The following STPG2 variants were observed in gnomAD, a reference collection of about 807,000 sequenced individuals.
STPG2 encodes sperm-tail PG-rich repeat-containing protein 2.
STPG2 carries 56 observed loss-of-function variants against 54.2 expected under a neutral mutation model. That is an observed-to-expected ratio of 1.03 (90% CI 0.83 to 1.29). The LOEUF (loss-of-function observed/expected upper bound fraction) is 1.29. Among genes scored for constraint, STPG2 ranks in the 50% most tolerant of loss-of-function variants. STPG2 has a pLI of 0.00. For synonymous variants in STPG2, 200 were observed against 181.8 expected (o/e 1.10, Z -0.81); for missense variants, 596 against 544.9 (o/e 1.09, Z -0.93).
chr4:98,093,893 G>C (rs550076211), intron 5 of STPG2, among the ~76,000 whole-genome samples: 1 of 152,360 alleles, frequency 6.6e-6, no homozygotes, highest in South Asian at 2.1e-4. Context: ...ACCCATCCCA[G>C]TGGTTGGAAC....
At chr4:97,915,270 T>C (rs1270586435) in intron 8 of STPG2, among the ~76,000 whole-genome samples, 1 of 152,170 alleles carries the variant, frequency 6.6e-6, no homozygotes, top group East Asian at 1.9e-4. Flanking sequence ...GAAAAGGAAG[T>C]AGACGTAACC....
chr4:97,517,144 G>T (rs553724253), intron 4 of STPG2, among the ~76,000 whole-genome samples: 2 of 151,986 alleles, frequency 1.3e-5, no homozygotes, highest in African/African-American at 4.8e-5. Context: ...CTGACCTCAA[G>T]TGATTCGCCC....
At chr4:97,814,653 G>A (rs1391396799) in intron 9 of STPG2, among the ~76,000 whole-genome samples, 1 of 152,144 alleles carries the variant, frequency 6.6e-6, no homozygotes, top group African/African-American at 2.4e-5. Context: ...ATTTGAGTCA[G>A]TGGGCTGGGA....
chr4:97,535,594 C>T (rs575489114), intron 4 of STPG2, among the ~76,000 whole-genome samples: 2 of 152,110 alleles, frequency 1.3e-5, no homozygotes, highest in South Asian at 2.1e-4. Context: ...TGTATTGTCT[C>T]TGTTCAGAAG....
intron 4 of STPG2, among the ~76,000 whole-genome samples, chr4:97,517,343 C>CA (rs1196970210): frequency 2.0e-5 from 3 of 151,938 alleles, no homozygotes; most frequent in Non-Finnish European, 2.9e-5. Context: ...GACCCTGTAT[C>CA]AAAAAAATTA....
chr4:97,654,006 C>T (rs1508471), intron 10 of STPG2, among the ~76,000 whole-genome samples: 20,783 of 152,192 alleles, frequency 0.14, 4,134 homozygotes, highest in African/African-American at 0.44. Context: ...TTATCACCAA[C>T]TCCTGCCTGC....
At chr4:97,567,070 G>A (rs1732472148) in intron 10 of STPG2, among the ~76,000 whole-genome samples, 1 of 151,044 alleles carries the variant, frequency 6.6e-6, no homozygotes, top group Non-Finnish European at 1.5e-5. Context: ...GAAAGAAATG[G>A]CCCCTAAAAT....
intron 8 of STPG2, among the ~76,000 whole-genome samples, chr4:97,847,427 T>C (rs1266581607): frequency 6.6e-6 from 1 of 152,148 alleles, no homozygotes; most frequent in African/African-American, 2.4e-5. Context: ...AAGTAGTATG[T>C]AAAAATGGAA....
At chr4:97,914,512 A>T (rs1245499160) in intron 8 of STPG2, among the ~76,000 whole-genome samples, 2 of 152,108 alleles carry the variant, frequency 1.3e-5, no homozygotes, top group Non-Finnish European at 2.9e-5. Flanking sequence ...CCATTGTTGC[A>T]TAACCATAAC....
At chr4:97,525,536 C>A (rs551722999) in intron 4 of STPG2, among the ~76,000 whole-genome samples, 70 of 151,558 alleles carry the variant, frequency 4.6e-4, no homozygotes, top group Non-Finnish European at 3.4e-4. Context: ...AAATTAGTTG[C>A]TTGCCAGAAT....
At chr4:97,630,678 G>T (rs930646557) in intron 10 of STPG2, among the ~76,000 whole-genome samples, 14 of 151,718 alleles carry the variant, frequency 9.2e-5, no homozygotes, top group African/African-American at 3.1e-4. Context: ...TGGATTGAAA[G>T]CAGAAATATC....
intron 6 of STPG2, among the ~76,000 whole-genome samples, chr4:97,977,526 T>C (rs1734538342): frequency 6.6e-6 from 1 of 152,176 alleles, no homozygotes; most frequent in African/African-American, 2.4e-5. Flanking sequence ...TAAATACTAC[T>C]GAGCTAGCCT....
At chr4:97,668,930 G>C (rs929961733) in intron 10 of STPG2, among the ~76,000 whole-genome samples, 8 of 152,108 alleles carry the variant, frequency 5.3e-5, no homozygotes, top group African/African-American at 9.6e-5. Context: ...TAGCACTTGA[G>C]AAGAAAATAG....
In STPG2 at chr4:97,674,490, AT is replaced by A. The variant is rs576754374; in HGVS notation, c.1320+38208del. Among the ~76,000 whole-genome samples, 627 of 152,302 alleles carry A rather than the reference AT, an allele frequency of 4.1e-3. 3 individuals carry two copies. Among genetic ancestry groups the A allele is most frequent in the South Asian group, 0.02 (98 of 4,830 alleles). On this transcript the variant is annotated intron_variant, in intron 10 of 10. Transcript: ENST00000295268. ...ATGGTCATGTGGGTATGTTTATTCC[AT>A]GTATAATTTTCTGGAGCCCAAACTG...
chr4:97,836,907 T>C (rs1728653234), intron 9 of STPG2, among the ~76,000 whole-genome samples: 1 of 150,068 alleles, frequency 6.7e-6, no homozygotes, highest in African/African-American at 2.4e-5. Context: ...ATATTATTAA[T>C]TAACATTAAT....
chr4:97,834,798 AAG>A (rs750919799), intron 9 of STPG2, among the ~76,000 whole-genome samples: 38 of 152,108 alleles, frequency 2.5e-4, no homozygotes, highest in Non-Finnish European at 1.3e-4. Flanking sequence ...GTTGGTACTG[AAG>A]AGTTATGTAT....
At chr4:98,139,368 G>A (rs1056346840) in intron 1 of STPG2, among the ~76,000 whole-genome samples, 1 of 152,140 alleles carries the variant, frequency 6.6e-6, no homozygotes, top group Non-Finnish European at 1.5e-5. Context: ...GAAATAAAGA[G>A]TATCTGTATC....
intron 10 of STPG2, among the ~76,000 whole-genome samples, chr4:97,710,356 C>G (rs572488855): frequency 2.1e-4 from 32 of 151,830 alleles, no homozygotes; most frequent in African/African-American, 7.5e-4. Flanking sequence ...AGATAATTTA[C>G]AAAAAAATGA....
intron 5 of STPG2, among the ~76,000 whole-genome samples, chr4:98,054,295 A>G (rs1403459573): frequency 6.6e-6 from 1 of 152,174 alleles, no homozygotes; most frequent in Admixed American, 6.5e-5. Context: ...TACTCCATAT[A>G]AAGTTTAATT....
Sources: allele counts gnomAD v4.1 joint callset (sites outside exome capture counted in the v4.1 genomes callset), GRCh38; gene constraint gnomAD v4.1.1; transcripts MANE v1.5; gene names NCBI Gene and HGNC (gene_info 2026-07-23, HGNC 2026-07-21).